The following SPTLC3 variants were observed in gnomAD, a reference collection of about 807,000 sequenced individuals.
SPTLC3 encodes serine palmitoyltransferase 3.
In SPTLC3, 36 loss-of-function variants were observed where a neutral mutation model predicts 59.3. The ratio of observed to expected loss-of-function variants is 0.61; its 90% CI spans 0.47 to 0.80. The LOEUF (loss-of-function observed/expected upper bound fraction) is 0.80. Among genes scored for constraint, SPTLC3 ranks in the 30% least tolerant of loss-of-function variants. The pLI, the probability that SPTLC3 is intolerant of heterozygous loss-of-function variation, is 0.00. For synonymous variants in SPTLC3, 257 were observed against 240.8 expected (o/e 1.07, Z -0.62); for missense variants, 625 against 685.1 (o/e 0.91, Z 0.98).
intron 1 of SPTLC3, among the ~76,000 whole-genome samples, chr20:13,011,465 C>A (rs1985245728): frequency 6.6e-6 from 1 of 152,210 alleles, no homozygotes; most frequent in Non-Finnish European, 1.5e-5. Context: ...AACCACACAG[C>A]AACACAGTTA....
At chr20:13,108,571 A>T (rs1990040941) in intron 6 of SPTLC3, among the ~76,000 whole-genome samples, 4 of 151,998 alleles carry the variant, frequency 2.6e-5, no homozygotes, top group Admixed American at 1.3e-4. Context: ...GCAGCTTTAG[A>T]TTTATCTTTT....
chr20:13,069,351 G>A (rs1988353587), intron 2 of SPTLC3, among the ~76,000 whole-genome samples: 1 of 152,154 alleles, frequency 6.6e-6, no homozygotes, highest in Non-Finnish European at 1.5e-5. Context: ...CTCTAAAACA[G>A]CAGTCCCCGA....
intron 4 of SPTLC3, among the ~76,000 whole-genome samples, chr20:13,087,084 C>T (rs1358292967): frequency 6.6e-6 from 1 of 152,182 alleles, no homozygotes; most frequent in Non-Finnish European, 1.5e-5. Context: ...GCATGAGCCA[C>T]TGTGCCTAGC....
chr20:13,136,145 C>A (rs1356434944), intron 9 of SPTLC3, among the ~76,000 whole-genome samples: 1 of 151,958 alleles, frequency 6.6e-6, no homozygotes, highest in Non-Finnish European at 1.5e-5. Flanking sequence ...CACACATGTC[C>A]CTCTCTGCCC....
chr20:13,016,912 T>C (rs951587982), intron 1 of SPTLC3, among the ~76,000 whole-genome samples: 1 of 152,180 alleles, frequency 6.6e-6, no homozygotes, highest in East Asian at 1.9e-4. Context: ...GGTATTATTT[T>C]TGGACCCATT....
chr20:13,157,985 AG>A (rs1234659482), intron 10 of SPTLC3, among the ~76,000 whole-genome samples: 1 of 152,242 alleles, frequency 6.6e-6, no homozygotes, highest in Non-Finnish European at 1.5e-5. Flanking sequence ...TTTTGAACAA[AG>A]CCTTGTTATA....
chr20:13,027,641 G>GCACACACACA (rs57913044), intron 1 of SPTLC3, among the ~76,000 whole-genome samples: 1 of 144,140 alleles, frequency 6.9e-6, no homozygotes, highest in Non-Finnish European at 1.5e-5. Context: ...ATTTCAGCAC[G>GCACACACACA]CACACACACA....
chr20:13,122,996 C>G (rs1433860898), intron 8 of SPTLC3, among the ~76,000 whole-genome samples: 1 of 152,152 alleles, frequency 6.6e-6, no homozygotes, highest in Non-Finnish European at 1.5e-5. Flanking sequence ...TTCCTCCCGC[C>G]CCATGCTCCC....
chr20:13,159,926 A>G (rs1354636541), intron 10 of SPTLC3, 77 bp from the exon 11 acceptor site: 4 of 1,450,278 alleles, frequency 2.8e-6, no homozygotes, highest in Non-Finnish European at 3.7e-6. Context: ...AATTAGCCAT[A>G]TTCCTTTTTT....
At chr20:13,116,488 G>A (rs574135152) in intron 7 of SPTLC3, among the ~76,000 whole-genome samples, 1 of 152,242 alleles carries the variant, frequency 6.6e-6, no homozygotes, top group Admixed American at 6.5e-5. Flanking sequence ...TCCCAGAGGT[G>A]CCATGTAAAT....
chr20:13,119,518 C>T (rs2122754368), intron 8 of SPTLC3, among the ~76,000 whole-genome samples: 1 of 152,258 alleles, frequency 6.6e-6, no homozygotes, highest in African/African-American at 2.4e-5. Flanking sequence ...TTACATTAAT[C>T]GGGATGCAGA....
At chr20:13,027,741 C>T (rs1432956472) in intron 1 of SPTLC3, among the ~76,000 whole-genome samples, 1 of 151,902 alleles carries the variant, frequency 6.6e-6, no homozygotes, top group Non-Finnish European at 1.5e-5. Context: ...ATCAGTCTTA[C>T]TAAAATTTTA....
At chr20:13,061,319 CT>C (rs1987964067) in intron 2 of SPTLC3, among the ~76,000 whole-genome samples, 1 of 152,114 alleles carries the variant, frequency 6.6e-6, no homozygotes, top group African/African-American at 2.4e-5. Flanking sequence ...GAAAAAACAG[CT>C]TCTAACATTT....
At chr20:13,106,837 G>A (rs1989928873) in intron 6 of SPTLC3, among the ~76,000 whole-genome samples, 1 of 152,170 alleles carries the variant, frequency 6.6e-6, no homozygotes, top group Non-Finnish European at 1.5e-5. Context: ...GACCTCTTCA[G>A]ATCTAGGTTT....
At chr20:13,046,492 C>A (rs77327289) in intron 1 of SPTLC3, among the ~76,000 whole-genome samples, 5,328 of 152,280 alleles carry the variant, frequency 0.035, 302 homozygotes, top group African/African-American at 0.12. Context: ...GAAGTTCCAA[C>A]ATGTCTTCCT....
chr20:13,096,858 AC>A, intron 6 of SPTLC3, among the ~76,000 whole-genome samples: 1 of 152,276 alleles, frequency 6.6e-6, no homozygotes, highest in African/African-American at 2.4e-5. Context: ...ACAGGCTTTG[AC>A]CCATGCATTT....
At chr20:13,022,764 C>A (rs781449960) in intron 1 of SPTLC3, among the ~76,000 whole-genome samples, 1 of 152,104 alleles carries the variant, frequency 6.6e-6, no homozygotes, top group Non-Finnish European at 1.5e-5. Context: ...TTCCACCCTC[C>A]CCTCCCCTCT....
At chr20:13,024,039 A>C (rs1986024671) in intron 1 of SPTLC3, among the ~76,000 whole-genome samples, 2 of 152,146 alleles carry the variant, frequency 1.3e-5, no homozygotes, top group Non-Finnish European at 2.9e-5. Context: ...CGACTTTTAA[A>C]ACTTTTATTT....
chr20:13,063,503 T>C (rs1181102377), intron 2 of SPTLC3, among the ~76,000 whole-genome samples: 1 of 152,036 alleles, frequency 6.6e-6, no homozygotes, highest in Non-Finnish European at 1.5e-5. Flanking sequence ...TATAAAATGT[T>C]CCTACAGTTT....
Sources: allele counts gnomAD v4.1 joint callset (sites outside exome capture counted in the v4.1 genomes callset), GRCh38; gene constraint gnomAD v4.1.1; transcripts MANE v1.5; gene names NCBI Gene and HGNC (gene_info 2026-07-23, HGNC 2026-07-21).